The following GRIN2A variants were observed in gnomAD, a reference collection of about 807,000 sequenced individuals.
GRIN2A encodes glutamate ionotropic receptor NMDA type subunit 2A, also known as glutamate receptor ionotropic, NMDA 2A.
A neutral mutation model predicts 113.4 loss-of-function variants in GRIN2A; 22 were observed. The observed-to-expected ratio is 0.19, with a 90% CI of 0.14 to 0.28. GRIN2A has a LOEUF of 0.28. Ranked by LOEUF, GRIN2A falls within the 10% of genes least tolerant of loss-of-function variation. The probability of loss-of-function intolerance (pLI) is 1.00; values close to 1 mark genes in which losing one functional copy is unlikely to be tolerated. For missense variants in GRIN2A, 1,502 were observed against 1,887.0 expected, an observed-to-expected ratio of 0.80 and a Z score of 3.78; for synonymous variants, 827 against 738.4, an observed-to-expected ratio of 1.12 and a Z score of -1.94.
intron 2 of GRIN2A, among the ~76,000 whole-genome samples, chr16:10,150,259 CTCTCAGTTGAGAGACTG>C (rs1350154484): frequency 6.6e-6 from 1 of 152,174 alleles, no homozygotes; most frequent in Non-Finnish European, 1.5e-5. Flanking sequence ...TTTGATCAAC[CTCTCAGTTGAGAGACTG>C]ACCAAAACTT....
At chr16:10,173,507 A>G (rs1455035495) in intron 2 of GRIN2A, among the ~76,000 whole-genome samples, 1 of 152,256 alleles carries the variant, frequency 6.6e-6, no homozygotes, top group Non-Finnish European at 1.5e-5. Flanking sequence ...ATCAGTCAGC[A>G]TTGAGGGAAC....
chr16:9,875,036 CCACTCCAGG>C lies in GRIN2A; in HGVS notation c.1122+15941_1122+15949del, dbSNP rs921478434. Reference sequence around the variant, plus strand: ...CCAGGAGGTCGAGGCCTGCAGTGAGCCACTCCAGGGAGTGCAGCGGCATGAACATGGCTC... The same window carrying C: ...CCAGGAGGTCGAGGCCTGCAGTGAGCGAGTGCAGCGGCATGAACATGGCTC... On this transcript the variant is annotated intron_variant, in intron 4 of 12. Coordinates refer to ENST00000330684, the MANE Select transcript of GRIN2A (RefSeq NM_001134407.3). Among the ~76,000 whole-genome samples the C allele has an allele frequency of 1.3e-4, 19 of 151,630 alleles. 3 individuals carry two copies. Among genetic ancestry groups the C allele is most frequent in the Admixed American group, 1.2e-3 (18 of 15,254 alleles).
At chr16:10,112,136 T>C (rs555322172) in intron 2 of GRIN2A, 68 of 592,310 alleles carry the variant, frequency 1.1e-4, no homozygotes, top group Non-Finnish European at 1.9e-4. Context: ...TGGGCACCCA[T>C]GAGGATGACA....
intron 3 of GRIN2A, among the ~76,000 whole-genome samples, chr16:9,914,610 G>T (rs1312636297): frequency 6.6e-6 from 1 of 152,188 alleles, no homozygotes; most frequent in East Asian, 1.9e-4. Context: ...TGGCTCAGAA[G>T]TTAGGCTTAT....
chr16:10,001,755 G>T (rs1398970178), intron 2 of GRIN2A, among the ~76,000 whole-genome samples: 1 of 152,158 alleles, frequency 6.6e-6, no homozygotes, highest in Non-Finnish European at 1.5e-5. Flanking sequence ...TTTACCAAAG[G>T]ACATGAAATT....
intron 2 of GRIN2A, among the ~76,000 whole-genome samples, chr16:9,999,062 A>G (rs937725382): frequency 3.3e-5 from 5 of 152,294 alleles, no homozygotes; most frequent in African/African-American, 1.2e-4. Flanking sequence ...CACAATTCCT[A>G]TTATACAAGT....
intron 2 of GRIN2A, among the ~76,000 whole-genome samples, chr16:10,001,675 T>C (rs766962965): frequency 6.6e-6 from 1 of 152,220 alleles, no homozygotes; most frequent in Admixed American, 6.5e-5. Context: ...TGCTAATCAA[T>C]GAGCCAGTCA....
At chr16:10,026,250 G>A (rs142152217) in intron 2 of GRIN2A, among the ~76,000 whole-genome samples, 4 of 152,254 alleles carry the variant, frequency 2.6e-5, no homozygotes, top group East Asian at 1.9e-4. Context: ...GGCAAGTCAC[G>A]TCACCTTCCT....
At position 9,763,597 on chromosome 16, in the gene GRIN2A, C is replaced by T. The variant is rs2141128184; in HGVS notation, c.3947G>A (p.Arg1316Lys). ...RPSRSISLKDRERLLEGNFYG... is the reference protein window; with the variant it reads ...RPSRSISLKDKERLLEGNFYG... ...AAAATTTCCCTCCAGAAGCCGTTCC[C>T]TGTCCTTGAGGCTTATGCTCCGGGA... Residue 1316 changes from arginine (R) to lysine (K), a missense_variant, in exon 13 of 13, where the codon AGG becomes AAG. Transcript: ENST00000330684. 6.2e-7 allele frequency: 1 copy of T among 1,613,676 alleles called. No homozygotes were observed. The highest frequency in any genetic ancestry group is 8.5e-7 in the Non-Finnish European group (1 of 1,179,980).
At chr16:9,849,213 ATATT>A (rs1258981116) in intron 5 of GRIN2A, among the ~76,000 whole-genome samples, 1 of 144,270 alleles carries the variant, frequency 6.9e-6, no homozygotes, top group Non-Finnish European at 1.5e-5. Flanking sequence ...TAATTTCTAT[ATATT>A]TATATATAAT....
Position 10,177,572 on chromosome 16 carries a change from G to C in GRIN2A, c.414+2426C>G, listed in dbSNP as rs80250569. On this transcript the variant is annotated intron_variant, in intron 2 of 12. Transcript: ENST00000330684. The stretch of plus-strand genomic sequence containing the variant: ...TAAGTCTCTATTCTTTATTTCTCTG[G>C]AAATGTCTTTTCTCATCTTCCTCTT... Among the ~76,000 whole-genome samples the C allele has an allele frequency of 5.7e-3, 873 of 152,122 alleles. 3 individuals carry two copies. Among genetic ancestry groups the C allele is most frequent in the Non-Finnish European group, 0.011 (729 of 68,008 alleles).
chr16:10,086,624 A>C (rs2048090809), intron 2 of GRIN2A, among the ~76,000 whole-genome samples: 1 of 146,866 alleles, frequency 6.8e-6, no homozygotes, highest in African/African-American at 2.5e-5. Flanking sequence ...AAAAAAAAAA[A>C]AAGGAAACAG....
chr16:9,875,515 A>G (rs1596527610), intron 4 of GRIN2A, among the ~76,000 whole-genome samples: 1 of 152,114 alleles, frequency 6.6e-6, no homozygotes, highest in African/African-American at 2.4e-5. Context: ...TGCTGGGGGG[A>G]GCAGCTCTCT....
chr16:10,042,754 G>A (rs571123273), intron 2 of GRIN2A, among the ~76,000 whole-genome samples: 25 of 152,222 alleles, frequency 1.6e-4, no homozygotes, highest in South Asian at 2.1e-4. Flanking sequence ...GGATGGAGGC[G>A]GCATGGGGAA....
intron 2 of GRIN2A, among the ~76,000 whole-genome samples, chr16:10,094,316 G>A (rs542562520): frequency 1.2e-4 from 19 of 152,328 alleles, no homozygotes; most frequent in South Asian, 2.1e-4. Context: ...CCACTCGCCT[G>A]CTGTGTGACT....
At chr16:9,806,781 A>G (rs996182192) in intron 10 of GRIN2A, among the ~76,000 whole-genome samples, 2 of 151,926 alleles carry the variant, frequency 1.3e-5, no homozygotes, top group African/African-American at 4.8e-5. Flanking sequence ...GGGGGAAAGA[A>G]AGAGAGAAAA....
In GRIN2A at chr16:10,057,208, C is replaced by T. The variant is rs116170092; in HGVS notation, c.415-118657G>A. 7.0e-4 allele frequency among the ~76,000 whole-genome samples: 107 copies of T among 152,278 alleles called. 2 individuals carry two copies. Among genetic ancestry groups the T allele is most frequent in the East Asian group, 3.9e-4 (2 of 5,184 alleles). On this transcript the variant is annotated intron_variant, in intron 2 of 12. Coordinates refer to ENST00000330684, the MANE Select transcript of GRIN2A (RefSeq NM_001134407.3). ...TACAATGGCGACAACAGTAGTAGCA[C>T]GATATTATGGGTTCTTCCTCTGACA...
At chr16:10,137,008 G>A (rs1218829683) in intron 2 of GRIN2A, among the ~76,000 whole-genome samples, 1 of 152,194 alleles carries the variant, frequency 6.6e-6, no homozygotes, top group Non-Finnish European at 1.5e-5. Context: ...GATATAGCAT[G>A]AAATATCTAC....
At chr16:9,971,971 C>G (rs916041836) in intron 2 of GRIN2A, among the ~76,000 whole-genome samples, 1 of 151,562 alleles carries the variant, frequency 6.6e-6, no homozygotes, top group South Asian at 2.1e-4. Context: ...CCGGGTGGCT[C>G]AACATCTAGT....
Sources: gnomAD v4.1 joint callset for allele counts (sites outside exome capture counted in the v4.1 genomes callset) on GRCh38, gnomAD v4.1.1 for gene constraint, MANE v1.5 for transcripts, NCBI Gene and HGNC (gene_info 2026-07-23, HGNC 2026-07-21) for gene names.